CNTLN: variants seen among roughly 807,000 people sequenced by gnomAD.
The protein encoded by CNTLN is centlein, centrosomal protein.
Under a neutral mutation model 180.0 loss-of-function variants are expected in CNTLN, and 212 were observed. The ratio of observed to expected loss-of-function variants is 1.18; its 90% CI spans 1.05 to 1.32. CNTLN has a LOEUF of 1.32. Ranked by LOEUF, CNTLN falls within the 40% of genes most tolerant of loss-of-function variation. CNTLN has a pLI of 0.00. For synonymous variants in CNTLN, 722 were observed against 563.1 expected (o/e 1.28, Z -3.99); for missense variants, 2,095 against 1,610.9 (o/e 1.30, Z -5.14).
chr9:17,365,330 G>C (rs1823726215), intron 12 of CNTLN, among the ~76,000 whole-genome samples: 1 of 152,136 alleles, frequency 6.6e-6, no homozygotes, highest in Non-Finnish European at 1.5e-5. Flanking sequence ...TGAATGTTAA[G>C]TTTCATGAGG....
intron 5 of CNTLN, among the ~76,000 whole-genome samples, chr9:17,267,221 T>C (rs966560749): frequency 7.2e-5 from 11 of 152,192 alleles, no homozygotes; most frequent in Non-Finnish European, 1.3e-4. Context: ...GGAGCTCTTT[T>C]AGGGCAGGCC....
chr9:17,277,756 T>G (rs1828403950), intron 6 of CNTLN, among the ~76,000 whole-genome samples: 1 of 152,084 alleles, frequency 6.6e-6, no homozygotes, highest in Non-Finnish European at 1.5e-5. Flanking sequence ...AATAAGAATT[T>G]ACAATATTAC....
chr9:17,164,181 G>A (rs533095803), intron 2 of CNTLN, among the ~76,000 whole-genome samples: 96 of 151,402 alleles, frequency 6.3e-4, no homozygotes, highest in African/African-American at 8.5e-4. Flanking sequence ...GCATGGTGTC[G>A]CGTGCCTGTA....
intron 18 of CNTLN, among the ~76,000 whole-genome samples, chr9:17,444,926 C>A (rs1830312841): frequency 6.6e-6 from 1 of 152,030 alleles, no homozygotes; most frequent in Non-Finnish European, 1.5e-5. Context: ...TAGTATAGGT[C>A]AAAACTTTGC....
At chr9:17,257,121 C>T (rs1479564912) in intron 5 of CNTLN, among the ~76,000 whole-genome samples, 1 of 151,790 alleles carries the variant, frequency 6.6e-6, no homozygotes, top group Admixed American at 6.6e-5. Flanking sequence ...TGCTATCCCT[C>T]CCCCCTCCTC....
At position 17,457,761 on chromosome 9, in the gene CNTLN, A is replaced by G. The variant is rs780123550; in HGVS notation, c.3306+46A>G. ...GCATGAAAACATACATTATGCTTGA[A>G]TCCTGCAAGACATATTTATATGAAC... On this transcript the variant is annotated intron_variant, in intron 19 of 25. Coordinates refer to ENST00000380647, the MANE Select transcript of CNTLN (RefSeq NM_017738.4). 3.5e-6 allele frequency: 4 copies of G among 1,155,262 alleles called. No homozygotes were observed. In the East Asian group the frequency reaches 8.7e-5, roughly 25 times the overall value. The allele number at this position is 1,155,262 out of a possible 1,614,324, so 71.6% of individuals were successfully genotyped here. A position where few individuals can be genotyped will look rare whatever the true frequency, so the allele number is the denominator to read the frequency against.
At chr9:17,254,686 A>T (rs1428844494) in intron 5 of CNTLN, among the ~76,000 whole-genome samples, 1 of 151,508 alleles carries the variant, frequency 6.6e-6, no homozygotes, top group Non-Finnish European at 1.5e-5. Flanking sequence ...TGTTTTCATT[A>T]CTGTAGCTTT....
chr9:17,272,988 C>CT (rs936762816), intron 5 of CNTLN, among the ~76,000 whole-genome samples: 4 of 151,706 alleles, frequency 2.6e-5, no homozygotes, highest in East Asian at 1.9e-4. Flanking sequence ...ATTGTCTTTT[C>CT]TTTTTTTACA....
intron 6 of CNTLN, among the ~76,000 whole-genome samples, chr9:17,284,742 A>T (rs1828875474): frequency 1.3e-5 from 2 of 151,724 alleles, no homozygotes; most frequent in African/African-American, 4.8e-5. Flanking sequence ...AGGGTTTTTC[A>T]TGTCTGTATC....
At chr9:17,289,708 C>G (rs1829233616) in intron 6 of CNTLN, among the ~76,000 whole-genome samples, 1 of 140,014 alleles carries the variant, frequency 7.1e-6, no homozygotes, top group African/African-American at 2.9e-5. Context: ...TTGCTCATTT[C>G]TTTTTATTCT....
rs149323281 is a variant in CNTLN at position 17,293,235 on chromosome 9, C to G, written c.984-4955C>G. Among the ~76,000 whole-genome samples, 803 of 152,352 alleles carry G rather than the reference C, an allele frequency of 5.3e-3. 5 individuals carry two copies. The highest frequency in any genetic ancestry group is 0.017 in the African/African-American group (710 of 41,588). ...GTTATCTGGCAACCCCTGTTGGGGT[C>G]TCACCCAGTCTGGAGGCAGGGGTTC... On this transcript the variant is annotated intron_variant, in intron 6 of 25. Coordinates refer to ENST00000380647, the MANE Select transcript of CNTLN (RefSeq NM_017738.4).
intron 18 of CNTLN, among the ~76,000 whole-genome samples, chr9:17,439,036 G>C (rs1295921945): frequency 6.6e-6 from 1 of 152,130 alleles, no homozygotes; most frequent in African/African-American, 2.4e-5. Flanking sequence ...TTCATGGGAG[G>C]AATTGAGGAA....
chr9:17,472,065 T>C (rs987070383), intron 23 of CNTLN, among the ~76,000 whole-genome samples: 2 of 152,116 alleles, frequency 1.3e-5, no homozygotes, highest in African/African-American at 4.8e-5. Context: ...TTATGAAGTA[T>C]ATTTCAACCA....
intron 7 of CNTLN, among the ~76,000 whole-genome samples, chr9:17,308,439 T>C (rs1308652993): frequency 6.6e-6 from 1 of 152,116 alleles, no homozygotes; most frequent in Non-Finnish European, 1.5e-5. Flanking sequence ...TCTCTTACTA[T>C]TCCTCTGTTC....
chr9:17,324,991 A>T (rs1820168018), intron 8 of CNTLN, among the ~76,000 whole-genome samples: 2 of 152,010 alleles, frequency 1.3e-5, no homozygotes, highest in South Asian at 4.2e-4. Flanking sequence ...GATGGAAGAA[A>T]TGCAAATATT....
intron 2 of CNTLN, among the ~76,000 whole-genome samples, chr9:17,211,147 T>G (rs1465998844): frequency 6.6e-6 from 1 of 152,182 alleles, no homozygotes; most frequent in African/African-American, 2.4e-5. Context: ...ATGTCCTGAA[T>G]GGTATTGCCT....
chr9:17,490,378 T>C (rs1431340137), intron 25 of CNTLN, among the ~76,000 whole-genome samples: 3 of 151,990 alleles, frequency 2.0e-5, no homozygotes, highest in Non-Finnish European at 2.9e-5. Context: ...AACCAAAAGA[T>C]GGGTGAGTTT....
At chr9:17,240,156 G>A (rs1385669592) in intron 5 of CNTLN, among the ~76,000 whole-genome samples, 1 of 151,662 alleles carries the variant, frequency 6.6e-6, no homozygotes, top group Non-Finnish European at 1.5e-5. Flanking sequence ...TAGCTTTCAG[G>A]GTATAAATTT....
At chr9:17,250,165 T>C (rs1692555540) in intron 5 of CNTLN, among the ~76,000 whole-genome samples, 1 of 151,934 alleles carries the variant, frequency 6.6e-6, no homozygotes, top group Non-Finnish European at 1.5e-5. Context: ...TTCTTTCTGA[T>C]ATGATTATGT....
Sources: allele counts gnomAD v4.1 joint callset (sites outside exome capture counted in the v4.1 genomes callset), GRCh38; gene constraint gnomAD v4.1.1; transcripts MANE v1.5; gene names NCBI Gene and HGNC (gene_info 2026-07-23, HGNC 2026-07-21).